COBLL1: variants seen among roughly 807,000 people sequenced by gnomAD.
COBLL1 encodes cordon-bleu protein-like 1.
In COBLL1, 50 loss-of-function variants were observed where a neutral mutation model predicts 94.8. The ratio of observed to expected loss-of-function variants is 0.53; its 90% confidence interval spans 0.42 to 0.67. The LOEUF is 0.67. Ranked by LOEUF, COBLL1 falls within the 30% of genes least tolerant of loss-of-function variation. The probability of loss-of-function intolerance (pLI) is 0.00; values close to 1 mark genes in which losing one functional copy is unlikely to be tolerated. For synonymous variants in COBLL1, 448 were observed against 473.8 expected, an observed-to-expected ratio of 0.95 and a Z score of 0.71; for missense variants, 1,362 against 1,348.7, an observed-to-expected ratio of 1.01 and a Z score of -0.15.
intron 2 of COBLL1, among the ~76,000 whole-genome samples, chr2:164,779,098 C>T (rs1559007370): frequency 6.6e-6 from 1 of 151,494 alleles, no homozygotes; most frequent in Non-Finnish European, 1.5e-5. Context: ...AGATCAATTG[C>T]TTGTTGTTGT....
chr2:164,779,290 G>A (rs1000169326), intron 2 of COBLL1, among the ~76,000 whole-genome samples: 6 of 152,038 alleles, frequency 3.9e-5, no homozygotes, highest in African/African-American at 4.8e-5. Flanking sequence ...TAAACAGTAC[G>A]AATCATGGCA....
At chr2:164,799,743 T>C (rs1683665141) in intron 2 of COBLL1, among the ~76,000 whole-genome samples, 1 of 152,166 alleles carries the variant, frequency 6.6e-6, no homozygotes, top group South Asian at 2.1e-4. Context: ...TATTGACAAG[T>C]AGACACAGAT....
intron 11 of COBLL1, chr2:164,698,085 AC>A (rs1684047186): frequency 6.6e-6 from 1 of 152,092 alleles, no homozygotes; most frequent in Non-Finnish European, 1.5e-5. Flanking sequence ...AAATCAAAGT[AC>A]TACGTAAATG....
intron 2 of COBLL1, among the ~76,000 whole-genome samples, chr2:164,750,433 G>A (rs554362144): frequency 7.8e-4 from 118 of 152,174 alleles, no homozygotes; most frequent in African/African-American, 2.7e-3. Flanking sequence ...ATTCCCCTGG[G>A]ATCTAAACTC....
At chr2:164,676,895 C>A (rs565863219), downstream of COBLL1, among the ~76,000 whole-genome samples, 3 of 152,226 alleles carry the variant, frequency 2.0e-5, no homozygotes, top group Non-Finnish European at 4.4e-5. Flanking sequence ...AACAGTAATA[C>A]ATTAATTATG....
intron 2 of COBLL1, among the ~76,000 whole-genome samples, chr2:164,761,923 A>G (rs1010192650): frequency 1.6e-4 from 24 of 152,196 alleles, no homozygotes; most frequent in African/African-American, 5.6e-4. Flanking sequence ...TCAGCAAAGA[A>G]TGAATCACAG....
intron 2 of COBLL1, among the ~76,000 whole-genome samples, chr2:164,756,294 G>C (rs1300427600): frequency 1.3e-5 from 2 of 152,118 alleles, no homozygotes; most frequent in African/African-American, 4.8e-5. Flanking sequence ...GTGAGGAAAA[G>C]TTTAATATTC....
At position 164,841,725 on chromosome 2, in the gene COBLL1, A is replaced by C. The variant is rs1307277039; in HGVS notation, c.-66T>G. ...AGGCTCCTACGTTCTTTTCCAAAGGAGACAGTAGCTCGCCTGTTCTCCCTC... is the reference window on the plus strand; with the variant it reads ...AGGCTCCTACGTTCTTTTCCAAAGGCGACAGTAGCTCGCCTGTTCTCCCTC... On this transcript the variant is annotated 5_prime_UTR_variant, in exon 1 of 14. Coordinates refer to ENST00000652658, the MANE Select transcript of COBLL1 (RefSeq NM_001365672.2). The surrounding 1 kb of genome is among the most constrained non-coding windows in gnomAD (Gnocchi z 5.5). 9 of 510,308 alleles carry C rather than the reference A, an allele frequency of 1.8e-5. No individual in the cohort carries two copies. The highest frequency in any genetic ancestry group is 3.1e-5 in the Non-Finnish European group (9 of 291,206). 31.6% of individuals were successfully genotyped at this position (510,308 alleles called of 1,614,324 possible).
At chr2:164,660,861 G>T (rs967047141) in intron 2 of COBLL1, among the ~76,000 whole-genome samples, 1 of 152,106 alleles carries the variant, frequency 6.6e-6, no homozygotes, top group Non-Finnish European at 1.5e-5. Context: ...AAATGGGTTT[G>T]ATTGAAACAT....
intron 7 of COBLL1, among the ~76,000 whole-genome samples, chr2:164,721,643 C>G (rs1243570185): frequency 6.6e-6 from 1 of 152,012 alleles, no homozygotes; most frequent in Admixed American, 6.6e-5. Context: ...TGAGTCAGGT[C>G]AAGAAAATAC....
intron 2 of COBLL1, among the ~76,000 whole-genome samples, chr2:164,830,675 C>T (rs1378702681): frequency 6.6e-6 from 1 of 152,100 alleles, no homozygotes; most frequent in Non-Finnish European, 1.5e-5. Context: ...AGTGAATTTA[C>T]GACATACTTC....
intron 11 of COBLL1, among the ~76,000 whole-genome samples, chr2:164,699,180 T>C (rs371398152): frequency 6.6e-6 from 1 of 152,098 alleles, no homozygotes; most frequent in East Asian, 1.9e-4. Context: ...GGTTCACCAC[T>C]TACCGTAGTA....
intron 2 of COBLL1, among the ~76,000 whole-genome samples, chr2:164,760,678 A>G (rs567740891): frequency 6.0e-4 from 92 of 152,318 alleles, no homozygotes; most frequent in Admixed American, 2.6e-3. Flanking sequence ...GAAAGCTAGA[A>G]GAAGGGCACA....
At chr2:164,676,557 T>C (rs1339582203), downstream of COBLL1, among the ~76,000 whole-genome samples, 1 of 152,216 alleles carries the variant, frequency 6.6e-6, no homozygotes, top group Non-Finnish European at 1.5e-5. Context: ...AAAATGCTGG[T>C]TTCAATAATT....
intron 5 of COBLL1, among the ~76,000 whole-genome samples, chr2:164,726,742 T>G (rs998250209): frequency 2.6e-5 from 4 of 152,124 alleles, no homozygotes; most frequent in Non-Finnish European, 5.9e-5. Flanking sequence ...ACCATTATTC[T>G]GAATTACTGT....
In COBLL1 at chr2:164,683,294, T is replaced by C. The variant is rs948785519; in HGVS notation, c.*2652A>G. 6.6e-6 allele frequency: 1 copy of C among 152,060 alleles called. No homozygotes were observed. The highest frequency in any genetic ancestry group is 2.4e-5 in the African/African-American group (1 of 41,424). The allele number at this position is 152,060 out of a possible 1,614,324, so 9.4% of individuals were successfully genotyped here. ...AAAAATTATACATGAAAGTCAAAAG[T>C]TGGTTCTAGACCATTCCTGTATCTT... On this transcript the variant is annotated 3_prime_UTR_variant, in exon 14 of 14. Coordinates refer to ENST00000652658, the MANE Select transcript of COBLL1 (RefSeq NM_001365672.2).
At chr2:164,674,155 G>T (rs901768877) in intron 1 of COBLL1, among the ~76,000 whole-genome samples, 16 of 152,114 alleles carry the variant, frequency 1.1e-4, no homozygotes, top group African/African-American at 3.1e-4. Flanking sequence ...CCACCTCCCA[G>T]ATTCAAGTGA....
At chr2:164,735,437 G>C (rs1686247011) in intron 3 of COBLL1, among the ~76,000 whole-genome samples, 1 of 152,150 alleles carries the variant, frequency 6.6e-6, no homozygotes, top group Admixed American at 6.5e-5. Context: ...AATAGACTCA[G>C]ACTAGTTTGA....
intron 9 of COBLL1, among the ~76,000 whole-genome samples, chr2:164,703,923 C>G (rs1051139974): frequency 6.6e-6 from 1 of 152,090 alleles, no homozygotes; most frequent in African/African-American, 2.4e-5. Flanking sequence ...AATTATGTAA[C>G]TTGTAATGGA....
Sources: gnomAD v4.1 joint callset for allele counts (sites outside exome capture counted in the v4.1 genomes callset) on GRCh38, gnomAD v4.1.1 for gene constraint, Gnocchi (gnomAD v3.1) non-coding constraint, MANE v1.5 for transcripts, NCBI Gene and HGNC (gene_info 2026-07-23, HGNC 2026-07-21) for gene names.